Variants in GLYR1 observed in about 807,000 individuals in gnomAD.
GLYR1 encodes glyoxylate reductase 1 homolog.
Under a neutral mutation model 72.7 loss-of-function variants are expected in GLYR1, and 21 were observed. That is an observed-to-expected ratio of 0.29 (90% confidence interval 0.20 to 0.42). The LOEUF is 0.42. Among genes scored for constraint, GLYR1 ranks in the 10% least tolerant of loss-of-function variants. The pLI, the probability that GLYR1 is intolerant of heterozygous loss-of-function variation, is 1.00. For synonymous variants in GLYR1, 392 were observed against 270.2 expected (o/e 1.45, Z -4.42); for missense variants, 594 against 712.1 (o/e 0.83, Z 1.89).
chr16:4,841,457 C>CAAAAA (rs1160441336), intron 3 of GLYR1, among the ~76,000 whole-genome samples: 507 of 31,470 alleles, frequency 0.016, 35 homozygotes, highest in African/African-American at 0.021. Context: ...CTTGTCTCTA[C>CAAAAA]AAAAAAAAAA....
intron 3 of GLYR1, among the ~76,000 whole-genome samples, chr16:4,840,724 C>G (rs1352714085): frequency 6.6e-6 from 1 of 152,152 alleles, no homozygotes; most frequent in East Asian, 1.9e-4. Context: ...GTAGAGGACA[C>G]AGAGGCTCAG....
At chr16:4,808,235 CAAAAAAAAAAAA>C (rs57992836) in intron 15 of GLYR1, among the ~76,000 whole-genome samples, 1 of 81,440 alleles carries the variant, frequency 1.2e-5, no homozygotes, top group East Asian at 3.9e-4. Context: ...GACTCTGTCT[CAAAAAAAAAAAA>C]AAAAAAAAAT....
intron 3 of GLYR1, among the ~76,000 whole-genome samples, chr16:4,834,914 G>T (rs193242287): frequency 4.6e-5 from 7 of 152,242 alleles, no homozygotes; most frequent in Non-Finnish European, 8.8e-5. Context: ...TCCTTACAGG[G>T]ATGCTAATGA....
intron 15 of GLYR1, among the ~76,000 whole-genome samples, chr16:4,808,273 A>C (rs533705973): frequency 5.2e-4 from 77 of 149,162 alleles, no homozygotes; most frequent in African/African-American, 1.9e-3. Flanking sequence ...TCAGGAACAG[A>C]GAATTATACT....
At chr16:4,847,166 A>G in intron 1 of GLYR1, 62 bp downstream of exon 1, 26 of 1,497,232 alleles carry the variant, frequency 1.7e-5, no homozygotes, top group Non-Finnish European at 2.3e-5. Context: ...CCGGCAGCGA[A>G]CCCCGCGCCC....
Position 4,811,235 on chromosome 16 carries a change from G to A in GLYR1, c.1522C>T (p.Arg508Cys), listed in dbSNP as rs776189438. The A allele has an allele frequency of 8.7e-6, 14 of 1,614,066 alleles. No homozygotes were observed. The highest frequency in any genetic ancestry group is 2.7e-5 in the African/African-American group (2 of 74,920). Residue 508 changes from arginine to cysteine, a missense_variant, in exon 15 of 16, where the codon CGC becomes TGC. This residue lies in a region of GLYR1 where 266 missense variants were observed against 358.4 expected (regional missense o/e 0.74). Transcript: ENST00000321919. ...FYLKYIQKDL[R>C]LAIALGDAVN... ...GCATCACCCAGCGCAATGGCTAAGC[G>A]GAGATCCTTCTGAATGTATTTCAGG...
intron 3 of GLYR1, chr16:4,839,990 G>C (rs1424505096): frequency 6.6e-6 from 1 of 152,162 alleles, no homozygotes. Flanking sequence ...CCCCCACCCA[G>C]GATGTGCCTG....
intron 5 of GLYR1, among the ~76,000 whole-genome samples, chr16:4,828,939 C>T (rs758873698): frequency 1.8e-4 from 27 of 152,060 alleles, no homozygotes; most frequent in Admixed American, 1.5e-3. Context: ...CTTCACATAC[C>T]AGACAATATC....
chr16:4,806,456 A>T (rs537343728), intron 15 of GLYR1, among the ~76,000 whole-genome samples: 2 of 151,222 alleles, frequency 1.3e-5, no homozygotes, highest in African/African-American at 2.4e-5. Flanking sequence ...TCCTGGGCTC[A>T]AGCAATCCTC....
chr16:4,842,199 G>A (rs968263391), intron 3 of GLYR1, among the ~76,000 whole-genome samples: 9 of 151,056 alleles, frequency 6.0e-5, no homozygotes, highest in East Asian at 2.0e-4. Flanking sequence ...AGCCAAGATC[G>A]CGCCACTGCA....
intron 5 of GLYR1, among the ~76,000 whole-genome samples, chr16:4,828,994 G>C (rs1318785945): frequency 6.6e-6 from 1 of 152,032 alleles, no homozygotes; most frequent in East Asian, 1.9e-4. Context: ...ATTCCTTTTG[G>C]ATTCCAGGAA....
intron 3 of GLYR1, chr16:4,839,681 T>C (rs1199090079): frequency 9.8e-5 from 15 of 152,312 alleles, no homozygotes; most frequent in African/African-American, 3.6e-4. Context: ...GGCCCTCTCC[T>C]AACAGTGGGA....
At chr16:4,817,519 A>G in intron 10 of GLYR1, 79 bp downstream of exon 10, 1 of 845,956 alleles carries the variant, frequency 1.2e-6, no homozygotes, top group Non-Finnish European at 2.0e-6. Flanking sequence ...CAGAACGCTG[A>G]GACAACAGGG....
intron 6 of GLYR1, among the ~76,000 whole-genome samples, chr16:4,823,179 T>C (rs554848010): frequency 1.3e-5 from 2 of 152,354 alleles, no homozygotes; most frequent in East Asian, 3.9e-4. Flanking sequence ...GTACACAAAT[T>C]ATTCCAATGA....
intron 15 of GLYR1, among the ~76,000 whole-genome samples, chr16:4,806,828 G>T (rs1296890889): frequency 1.3e-5 from 2 of 149,984 alleles, no homozygotes; most frequent in Non-Finnish European, 3.0e-5. Flanking sequence ...TTGAGATGGA[G>T]TCTTGCTCTG....
At chr16:4,817,739 G>A (rs2083740314) in intron 9 of GLYR1, 42 bp from the exon 10 acceptor site, 2 of 1,208,422 alleles carry the variant, frequency 1.7e-6, no homozygotes, top group Middle Eastern at 1.9e-4. Flanking sequence ...TGGAAAGGGA[G>A]GGTCACGGTG....
chr16:4,827,515 A>G (rs1359845012), intron 5 of GLYR1, among the ~76,000 whole-genome samples: 1 of 152,078 alleles, frequency 6.6e-6, no homozygotes, highest in African/African-American at 2.4e-5. Flanking sequence ...TAGCAGCTAG[A>G]GCTCCTGGAC....
In GLYR1 at chr16:4,823,916, G is replaced by T. The variant is rs770724356; in HGVS notation, c.538-9C>A. 1.2e-6 allele frequency: 2 copies of T among 1,607,854 alleles called. No individual in the cohort carries two copies. Among genetic ancestry groups the T allele is most frequent in the Admixed American group, 3.3e-5 (2 of 59,970 alleles). ...TCCGGGATGGTGAGATCCTATAGAGGGAGGGGCAGGGCATTTTAAAATCAC... is the reference window on the plus strand; with the variant it reads ...TCCGGGATGGTGAGATCCTATAGAGTGAGGGGCAGGGCATTTTAAAATCAC... On this transcript the variant is annotated splice_polypyrimidine_tract_variant and intron_variant, in intron 5 of 15. Transcript: ENST00000321919.
chr16:4,814,521 G>T lies in GLYR1; in HGVS notation c.1017+16C>A. 6.2e-7 allele frequency: 1 copy of T among 1,602,762 alleles called. No homozygotes were observed. Among genetic ancestry groups the T allele is most frequent in the Non-Finnish European group, 8.5e-7 (1 of 1,170,772 alleles). On this transcript the variant is annotated intron_variant, in intron 11 of 15. Transcript: ENST00000321919. ...CTGTGACCCGGAGTTGCTGAGGGGA[G>T]GGAGGGGGTCCTTACGTCCTTGGCC...
Sources: allele counts gnomAD v4.1 joint callset (sites outside exome capture counted in the v4.1 genomes callset), GRCh38; gene constraint gnomAD v4.1.1; regional missense constraint gnomAD v4.1.1; transcripts MANE v1.5; gene names NCBI Gene and HGNC (gene_info 2026-07-23, HGNC 2026-07-21).